The following SRRM5 variants were observed in gnomAD, a reference collection of about 807,000 sequenced individuals.
SRRM5 encodes the protein serine/arginine repetitive matrix protein 5.
SRRM5 carries 1 observed loss-of-function variant against 1.3 expected under a neutral mutation model. The ratio of observed to expected loss-of-function variants is 0.76; its 90% CI spans 0.27 to 3.59. The LOEUF (loss-of-function observed/expected upper bound fraction) is 3.59, where lower values mean the gene tolerates loss of function less well. Among genes scored for constraint, SRRM5 ranks in the 30% most tolerant of loss-of-function variants. The pLI, the probability that SRRM5 is intolerant of heterozygous loss-of-function variation, is 0.19. For synonymous variants in SRRM5, 275 were observed against 320.2 expected, an observed-to-expected ratio of 0.86 and a Z score of 1.51; for missense variants, 875 against 914.5, an observed-to-expected ratio of 0.96 and a Z score of 0.56.
chr19:43,614,256 C>T lies in SRRM5; in HGVS notation c.2135C>T (p.Ser712Phe), dbSNP rs1973348939. The T allele has an allele frequency of 6.2e-7, 1 of 1,613,896 alleles. No homozygotes were observed. Among genetic ancestry groups the T allele is most frequent in the African/African-American group, 1.3e-5 (1 of 74,930 alleles). Residue 712 changes from serine (S) to phenylalanine (F), a missense_variant, in exon 1 of 1, where the codon TCC (serine) becomes TTC (phenylalanine). Coordinates refer to ENST00000417606, the MANE Select transcript of SRRM5 (RefSeq NM_001145641.2). ...GGGGAAAGGTCTTCATCATCTTCTT[C>T]CAAGCTGGCGTAGCCCCCAGTCTCA... is the stretch of plus-strand genomic sequence containing the variant. ...LPGERSSSSS[S>F]KLA is the part of the protein sequence containing the mutation.
rs145851521 is a variant in SRRM5 at position 43,612,409 on chromosome 19, C to T, written c.288C>T (p.Thr96=). ...SKARTPSRVS[T]DTRTSKASKA... ...CAAGAACACCCAGCAGGGTGAGCAC[C>T]GACACCAGGACCAGCAAAGCCAGCA... Residue 96 remains threonine, a synonymous_variant, in exon 1 of 1, where the codon ACC becomes ACT. Transcript: ENST00000417606. This position sits in a 1 kb window ranked among gnomAD's most constrained non-coding sequence, Gnocchi z 4.2. 1.4e-4 allele frequency: 220 copies of T among 1,551,152 alleles called. No homozygotes were observed. The African/African-American group carries it at 2.3e-3, about 16-fold the overall frequency.
In SRRM5 at chr19:43,613,956, G is replaced by A. The variant is rs1348441487; in HGVS notation, c.1835G>A (p.Ser612Asn). The A allele has an allele frequency of 6.4e-7, 1 of 1,551,542 alleles. No individual in the cohort carries two copies. The highest frequency in any genetic ancestry group is 1.4e-5 in the African/African-American group (1 of 73,032). ...QSGYSRPRAS[S>N]KEKAHSRSRT... ...GGTTACAGTCGACCTAGAGCCTCCA[G>A]CAAGGAGAAAGCTCATAGCCGATCT... is the stretch of plus-strand genomic sequence containing the variant. The change falls in exon 1 of 1, where the codon AGC becomes AAC. Residue 612 changes from serine to asparagine, a missense_variant. Coordinates refer to ENST00000417606, the MANE Select transcript of SRRM5 (RefSeq NM_001145641.2).
In SRRM5 at chr19:43,613,992, G is replaced by A. The variant is rs1336362370; in HGVS notation, c.1871G>A (p.Ser624Asn). 1 of 1,551,730 alleles carries A rather than the reference G, an allele frequency of 6.4e-7. No homozygotes were observed. The highest frequency in any genetic ancestry group is 8.7e-7 in the Non-Finnish European group (1 of 1,147,002). The stretch of plus-strand genomic sequence containing the variant: ...GCTCATAGCCGATCTAGAACCCCCA[G>A]CAAAGAAGGAAATCATAGCCAATCT... ...EKAHSRSRTP[S>N]KEGNHSQSRT... The change falls in exon 1 of 1, where the codon AGC becomes AAC. Residue 624 changes from serine to asparagine, a missense_variant. Ser to Asn is a conservative substitution (Grantham distance 46, BLOSUM62 1). Coordinates refer to ENST00000417606, the MANE Select transcript of SRRM5 (RefSeq NM_001145641.2).
At position 43,614,040 on chromosome 19, in the gene SRRM5, A is replaced by G; in HGVS notation, c.1919A>G (p.Asp640Gly). 6.4e-7 allele frequency: 1 copy of G among 1,552,206 alleles called. No individual in the cohort carries two copies. Among genetic ancestry groups the G allele is most frequent in the Admixed American group, 2.0e-5 (1 of 51,016 alleles). The change falls in exon 1 of 1, where the codon GAC becomes GGC. Residue 640 changes from aspartate (D) to glycine (G), a missense_variant. Coordinates refer to ENST00000417606, the MANE Select transcript of SRRM5 (RefSeq NM_001145641.2). ...TCTAGAACCTCTAGCAAGGAGAGCG[A>G]CCCCAGTCAATCTACAGTCCCCAGA... is the stretch of plus-strand genomic sequence containing the variant. ...SQSRTSSKESDPSQSTVPRSP... is the reference protein window; with the variant it reads ...SQSRTSSKESGPSQSTVPRSP...
chr19:43,612,616 A>G lies in SRRM5; in HGVS notation c.495A>G (p.Gln165=). The G allele has an allele frequency of 6.4e-7, 1 of 1,551,558 alleles. No homozygotes were observed. The change falls in exon 1 of 1, where the codon CAA becomes CAG. Residue 165 remains glutamine (Q), a synonymous_variant. Coordinates refer to ENST00000417606, the MANE Select transcript of SRRM5 (RefSeq NM_001145641.2). This position sits in a 1 kb window ranked among gnomAD's most constrained non-coding sequence, Gnocchi z 4.2. ...GGGTGAGAACTCCCACTTCACAGCA[A>G]AAAGGGAGCCGGGGAAAGAGTTACG... The part of the protein sequence containing the change: ...ASRVRTPTSQ[Q]KGSRGKSYGR...
In SRRM5 at chr19:43,613,400, C is replaced by T. The variant is rs1381717154; in HGVS notation, c.1279C>T (p.Arg427Ter). Residue 427 changes from arginine (R) to a stop codon, truncating the protein, a stop_gained, in exon 3 of 3, where the codon CGA becomes TGA. Coordinates refer to the SRRM5 transcript ENST00000607544. LOFTEE classifies it low-confidence loss of function (END_TRUNC). ...TCCCTACAAGGCGAGAGATCGCAGC[C>T]GATCTAGAAGTCCCAACAAGGCGAG... The T allele has an allele frequency of 9.8e-6, 15 of 1,530,610 alleles. No homozygotes were observed. The highest frequency in any genetic ancestry group is 7.4e-5 in the East Asian group (3 of 40,326). The allele number at this position is 1,530,610 out of a possible 1,614,324, so 94.8% of individuals were successfully genotyped here.
Position 43,614,421 on chromosome 19 carries a change from G to A in SRRM5, c.*152G>A, listed in dbSNP as rs1973351127. On this transcript the variant is annotated 3_prime_UTR_variant, in exon 1 of 1. Coordinates refer to ENST00000417606, the MANE Select transcript of SRRM5 (RefSeq NM_001145641.2). ...AGTTCTCTAATACAGGATGTTGGCA[G>A]GTAGAGAGGGATGCTGGATAGGGGG... The A allele has an allele frequency of 6.8e-7, 1 of 1,463,806 alleles. No homozygotes were observed. Among genetic ancestry groups the A allele is most frequent in the African/African-American group, 1.4e-5 (1 of 70,430 alleles). The allele number at this position is 1,463,806 out of a possible 1,614,324, so 90.7% of individuals were successfully genotyped here. A position where few individuals can be genotyped will look rare whatever the true frequency, so the allele number is the denominator to read the frequency against.
At position 43,614,206 on chromosome 19, in the gene SRRM5, C is replaced by A; in HGVS notation, c.2085C>A (p.Ala695=). ...TLSQDDSQAD[A]TTSKATLPGE... ...GCCAGGATGACAGTCAAGCCGACGC[C>A]ACCACCTCTAAGGCCACCTTACCTG... The change falls in exon 1 of 1, where the codon GCC becomes GCA. Residue 695 remains alanine (A), a synonymous_variant. Coordinates refer to ENST00000417606, the MANE Select transcript of SRRM5 (RefSeq NM_001145641.2). The A allele has an allele frequency of 6.2e-7, 1 of 1,614,240 alleles. No individual in the cohort carries two copies.
In SRRM5 at chr19:43,614,056, A is replaced by G; in HGVS notation, c.1935A>G (p.Thr645=). 6.4e-7 allele frequency: 1 copy of G among 1,553,274 alleles called. No homozygotes were observed. Among genetic ancestry groups the G allele is most frequent in the Non-Finnish European group, 8.7e-7 (1 of 1,147,860 alleles). Residue 645 remains threonine (T), a synonymous_variant, in exon 1 of 1, where the codon ACA becomes ACG. Coordinates refer to ENST00000417606, the MANE Select transcript of SRRM5 (RefSeq NM_001145641.2). ...AGGAGAGCGACCCCAGTCAATCTAC[A>G]GTCCCCAGAAGTCCCGACTGGAAGA... ...SSKESDPSQS[T]VPRSPDWKRS...
Position 43,613,026 on chromosome 19 carries a change from T to A in SRRM5, c.905T>A (p.Val302Glu), listed in dbSNP as rs748184399. ...SGSQKRTHSR[V>E]RSHSWKRNHS... ...AGTCAGAAGAGGACGCACAGCAGAG[T>A]GAGAAGTCACAGTTGGAAGAGAAAC... The change falls in exon 1 of 1, where the codon GTG becomes GAG. Residue 302 changes from valine to glutamate, a missense_variant. Val to Glu is a moderately radical substitution (Grantham distance 121, BLOSUM62 -2). Transcript: ENST00000417606. 1 of 1,550,260 alleles carries A rather than the reference T, an allele frequency of 6.5e-7. No homozygotes were observed.
chr19:43,613,317 G>C lies in SRRM5; in HGVS notation c.1196G>C (p.Arg399Thr). 1.3e-6 allele frequency: 2 copies of C among 1,551,530 alleles called. No individual in the cohort carries two copies. Among genetic ancestry groups the C allele is most frequent in the Non-Finnish European group, 1.7e-6 (2 of 1,146,970 alleles). ...RSQSGSPNKQ[R>T]DHSRSRSPNK... ...CAATCAGGAAGCCCCAACAAGCAGA[G>C]AGATCACAGCCGATCTAGAAGTCCC... Residue 399 changes from arginine to threonine, a missense_variant, in exon 1 of 1, where the codon AGA (arginine) becomes ACA (threonine). Physicochemically the swap from Arg to Thr is moderately conservative, Grantham distance 71. Coordinates refer to ENST00000417606, the MANE Select transcript of SRRM5 (RefSeq NM_001145641.2).
At position 43,614,053 on chromosome 19, in the gene SRRM5, TAC is replaced by T; in HGVS notation, c.1934_1935del (p.Thr645SerfsTer13). ...GCAAGGAGAGCGACCCCAGTCAATC[TAC>T]AGTCCCCAGAAGTCCCGACTGGAAG... On this transcript the variant is annotated frameshift_variant, in exon 3 of 3. Transcript: ENST00000607544. LOFTEE classifies it low-confidence loss of function (END_TRUNC). 1.3e-6 allele frequency: 2 copies of T among 1,553,046 alleles called. No homozygotes were observed. Among genetic ancestry groups the T allele is most frequent in the Non-Finnish European group, 1.7e-6 (2 of 1,147,736 alleles).
At position 43,613,729 on chromosome 19, in the gene SRRM5, T is replaced by C. The variant is rs1973337094; in HGVS notation, c.1608T>C (p.Ser536=). 1.3e-6 allele frequency: 2 copies of C among 1,551,136 alleles called. No homozygotes were observed. Among genetic ancestry groups the C allele is most frequent in the East Asian group, 2.4e-5 (1 of 40,882 alleles). The change falls in exon 1 of 1, where the codon TCT becomes TCC. Residue 536 remains serine (S), a synonymous_variant. Coordinates refer to ENST00000417606, the MANE Select transcript of SRRM5 (RefSeq NM_001145641.2). ...SPSKERQRRQ[S]RSPNKERDRS... ...GCAAGGAGAGACAGCGCAGACAATC[T>C]AGAAGCCCCAACAAGGAGAGAGATC...
Position 43,612,692 on chromosome 19 carries a change from C to A in SRRM5, c.571C>A (p.Leu191Met). 2 of 1,551,552 alleles carry A rather than the reference C, an allele frequency of 1.3e-6. No homozygotes were observed. Among genetic ancestry groups the A allele is most frequent in the South Asian group, 2.4e-5 (2 of 84,062 alleles). The change falls in exon 1 of 1, where the codon CTG becomes ATG. Residue 191 changes from leucine (L) to methionine (M), a missense_variant. Physicochemically the swap from Leu to Met is conservative, Grantham distance 15 (BLOSUM62 2). Coordinates refer to ENST00000417606, the MANE Select transcript of SRRM5 (RefSeq NM_001145641.2). The surrounding 1 kb of genome is among the most constrained non-coding windows in gnomAD (Gnocchi z 4.2). ...AAGGAGTGACAGCCAGCCTAGAAAT[C>A]TGAGCAAGAAGAGTTACCGCCCACC... The part of the protein sequence containing the change: ...RERSDSQPRN[L>M]SKKSYRPPGG...
At position 43,612,558 on chromosome 19, in the gene SRRM5, G is replaced by C. The variant is rs1261768740; in HGVS notation, c.437G>C (p.Arg146Thr). The C allele has an allele frequency of 2.6e-6, 4 of 1,551,386 alleles. No homozygotes were observed. Among genetic ancestry groups the C allele is most frequent in the African/African-American group, 2.7e-5 (2 of 72,972 alleles). Residue 146 changes from arginine (R) to threonine (T), a missense_variant, in exon 1 of 1, where the codon AGA becomes ACA. Transcript: ENST00000417606. This position sits in a 1 kb window ranked among gnomAD's most constrained non-coding sequence, Gnocchi z 4.2. ...PSRASTPGRI[R>T]THGARPGMAS... ...AGGGCCAGCACTCCTGGCAGGATAAGAACTCATGGTGCCAGACCAGGCATG... is the reference window on the plus strand; with the variant it reads ...AGGGCCAGCACTCCTGGCAGGATAACAACTCATGGTGCCAGACCAGGCATG...
In SRRM5 at chr19:43,612,819, A is replaced by G. The variant is rs1458727659; in HGVS notation, c.698A>G (p.Asn233Ser). 5.8e-6 allele frequency: 9 copies of G among 1,551,610 alleles called. No homozygotes were observed. The highest frequency in any genetic ancestry group is 7.8e-6 in the Non-Finnish European group (9 of 1,146,958). Residue 233 changes from asparagine (N) to serine (S), a missense_variant, in exon 1 of 1, where the codon AAC becomes AGC. Asn to Ser is a conservative substitution (Grantham distance 46). Transcript: ENST00000417606. The surrounding 1 kb of genome is among the most constrained non-coding windows in gnomAD (Gnocchi z 4.2). ...ATTCCCTCCAAGGAGAAGAGTGACA[A>G]CCCATCTCCATCCTCATCAAGGAAG... ...TGIPSKEKSD[N>S]PSPSSSRKVK...
Position 43,613,876 on chromosome 19 carries a change from A to C in SRRM5, c.1755A>C (p.Arg585Ser). 1 of 1,551,714 alleles carries C rather than the reference A, an allele frequency of 6.4e-7. No individual in the cohort carries two copies. Residue 585 changes from arginine (R) to serine (S), a missense_variant, in exon 1 of 1, where the codon AGA (arginine) becomes AGC (serine). Coordinates refer to ENST00000417606, the MANE Select transcript of SRRM5 (RefSeq NM_001145641.2). ...PSKERERRQS[R>S]SSSEERDHSR... is the part of the protein sequence containing the mutation. ...AGGAGAGAGAGCGCAGACAATCTAG[A>C]AGCTCCAGCGAGGAGAGAGATCACA...
Position 43,614,485 on chromosome 19 carries a change from A to T in SRRM5, c.*216A>T. 1 of 1,420,504 alleles carries T rather than the reference A, an allele frequency of 7.0e-7. No individual in the cohort carries two copies. Among genetic ancestry groups the T allele is most frequent in the Non-Finnish European group, 9.2e-7 (1 of 1,090,832 alleles). The allele number at this position is 1,420,504 out of a possible 1,614,324, so 88.0% of individuals were successfully genotyped here. A position where few individuals can be genotyped will look rare whatever the true frequency, so the allele number is the denominator to read the frequency against. On this transcript the variant is annotated 3_prime_UTR_variant, in exon 1 of 1. Transcript: ENST00000417606. ...GTGATGATTCAATAAATTTTTACAT[A>T]GCACCCATCCCCACCAAGCCCAACT...
Position 43,613,723 on chromosome 19 carries a change from A to C in SRRM5, c.1602A>C (p.Arg534Ser), listed in dbSNP as rs1171920711. Residue 534 changes from arginine (R) to serine (S), a missense_variant, in exon 1 of 1, where the codon AGA (arginine) becomes AGC (serine). Physicochemically the swap from Arg to Ser is moderately radical, Grantham distance 110 (BLOSUM62 -1). Transcript: ENST00000417606. ...GCCCCAGCAAGGAGAGACAGCGCAGACAATCTAGAAGCCCCAACAAGGAGA... is the reference window on the plus strand; with the variant it reads ...GCCCCAGCAAGGAGAGACAGCGCAGCCAATCTAGAAGCCCCAACAAGGAGA... ...SRSPSKERQR[R>S]QSRSPNKERD... 5 of 1,547,612 alleles carry C rather than the reference A, an allele frequency of 3.2e-6. No individual in the cohort carries two copies. The highest frequency in any genetic ancestry group is 2.5e-5 in the East Asian group (1 of 40,652).
Sources: gnomAD v4.1 joint callset for allele counts on GRCh38, gnomAD v4.1.1 for gene constraint, Gnocchi (gnomAD v3.1) non-coding constraint, MANE v1.5 for transcripts, NCBI Gene and HGNC (gene_info 2026-07-23, HGNC 2026-07-21) for gene names.